DEFB131A: variants seen among roughly 807,000 people sequenced by gnomAD.
DEFB131A encodes defensin beta 131A.
Under a neutral mutation model 2.4 loss-of-function variants are expected in DEFB131A, and 5 were observed. That is an observed-to-expected ratio of 2.12 (90% confidence interval 1.11 to 4.47). DEFB131A has a LOEUF of 4.47. DEFB131A is among the 30% of genes most tolerant of loss of function. The probability of loss-of-function intolerance (pLI) is 0.00; values close to 1 mark genes in which losing one functional copy is unlikely to be tolerated. For synonymous variants in DEFB131A, 34 were observed against 25.7 expected (o/e 1.32, Z -0.97); for missense variants, 120 against 79.9 (o/e 1.50, Z -1.91).
At chr4:9,446,325 G>A (rs1458242717) in intron 1 of DEFB131A, among the ~76,000 whole-genome samples, 3 of 151,720 alleles carry the variant, frequency 2.0e-5, no homozygotes, top group Non-Finnish European at 2.9e-5. Context: ...ATTTGGGAAA[G>A]TTAGATTGAT....
In DEFB131A at chr4:9,444,457, TC is replaced by T; in HGVS notation, c.-76del. 1 of 1,542,316 alleles carries T rather than the reference TC, an allele frequency of 6.5e-7. No individual in the cohort carries two copies. The highest frequency in any genetic ancestry group is 8.9e-7 in the Non-Finnish European group (1 of 1,128,824). ...AATAATCACTCAACAACTCACCTCTTCAGAGAACTGAATGTACACAGAAGTC... is the reference window on the plus strand; with the variant it reads ...AATAATCACTCAACAACTCACCTCTTAGAGAACTGAATGTACACAGAAGTC... On this transcript the variant is annotated 5_prime_UTR_variant, in exon 1 of 2. Transcript: ENST00000334879.
chr4:9,449,937 T>G (rs1336686387), intron 1 of DEFB131A, among the ~76,000 whole-genome samples: 8 of 152,156 alleles, frequency 5.3e-5, no homozygotes, highest in African/African-American at 1.2e-4. Context: ...TTTATATTTA[T>G]CCATAATCTA....
chr4:9,447,848 A>T (rs1717541729), intron 1 of DEFB131A, among the ~76,000 whole-genome samples: 1 of 152,198 alleles, frequency 6.6e-6, no homozygotes, highest in African/African-American at 2.4e-5. Flanking sequence ...GACTGATGTG[A>T]TCAAGGAAAG....
chr4:9,448,198 A>G (rs1376507933), intron 1 of DEFB131A, among the ~76,000 whole-genome samples: 1 of 151,888 alleles, frequency 6.6e-6, no homozygotes, highest in African/African-American at 2.4e-5. Context: ...AAAAGAAGCC[A>G]GGAGGGAAAA....
At chr4:9,450,327 T>A in intron 1 of DEFB131A, 33 bp from the exon 2 acceptor site, 1 of 1,500,848 alleles carries the variant, frequency 6.7e-7, no homozygotes, top group Non-Finnish European at 8.9e-7. Flanking sequence ...GTAAGTAATA[T>A]TGTGTCATAT....
intron 1 of DEFB131A, among the ~76,000 whole-genome samples, chr4:9,447,733 A>C (rs1475546819): frequency 6.6e-6 from 1 of 151,174 alleles, no homozygotes; most frequent in African/African-American, 2.4e-5. Flanking sequence ...AAAAAAAAAA[A>C]CTTATCTTCA....
chr4:9,445,565 AT>A (rs779770379), intron 1 of DEFB131A, among the ~76,000 whole-genome samples: 3 of 151,276 alleles, frequency 2.0e-5, no homozygotes, highest in Non-Finnish European at 4.4e-5. Flanking sequence ...TCTGAAGCAC[AT>A]TTTAATACTT....
Position 9,450,492 on chromosome 4 carries a change from T to G in DEFB131A, c.191T>G (p.Ile64Ser). ...TGCTGCAAACTGAAGATCATTGAAATTGACGGACAAAAGAAGTGGTGAAAA... is the reference window on the plus strand; with the variant it reads ...TGCTGCAAACTGAAGATCATTGAAAGTGACGGACAAAAGAAGTGGTGAAAA... ...SICCKLKIIE[I>S]DGQKKW The change falls in exon 2 of 2, where the codon ATT becomes AGT. Residue 64 changes from isoleucine (I) to serine (S), a missense_variant. By Grantham distance (142) the Ile-to-Ser change is moderately radical (BLOSUM62 -2). Transcript: ENST00000334879. 1 of 1,610,138 alleles carries G rather than the reference T, an allele frequency of 6.2e-7. No individual in the cohort carries two copies. The highest frequency in any genetic ancestry group is 8.5e-7 in the Non-Finnish European group (1 of 1,179,066).
chr4:9,447,111 G>T (rs1717523959), intron 1 of DEFB131A, among the ~76,000 whole-genome samples: 1 of 152,134 alleles, frequency 6.6e-6, no homozygotes, highest in Non-Finnish European at 1.5e-5. Context: ...TATTTGGTCT[G>T]CGGTACAGAT....
chr4:9,445,937 G>A (rs1226666158), intron 1 of DEFB131A, among the ~76,000 whole-genome samples: 2 of 152,064 alleles, frequency 1.3e-5, no homozygotes, highest in Non-Finnish European at 2.9e-5. Flanking sequence ...CTTCATGTCT[G>A]CCTTCTTTTA....
At chr4:9,448,412 T>C (rs1230741543) in intron 1 of DEFB131A, among the ~76,000 whole-genome samples, 2 of 152,090 alleles carry the variant, frequency 1.3e-5, no homozygotes, top group Non-Finnish European at 2.9e-5. Context: ...GCAGTGGCAG[T>C]GACCTTGGCT....
intron 1 of DEFB131A, among the ~76,000 whole-genome samples, chr4:9,449,684 G>T (rs1490024923): frequency 5.3e-5 from 8 of 151,972 alleles, no homozygotes; most frequent in Non-Finnish European, 8.8e-5. Context: ...GGGAAGGACT[G>T]GTAGGTTTAA....
intron 1 of DEFB131A, among the ~76,000 whole-genome samples, chr4:9,448,906 T>C (rs114233297): frequency 6.6e-6 from 1 of 152,106 alleles, no homozygotes; most frequent in African/African-American, 2.4e-5. Context: ...AGTAAAATCA[T>C]CTATTTCCAA....
Position 9,450,577 on chromosome 4 carries a change from A to G in DEFB131A, c.*63A>G. The G allele has an allele frequency of 1.9e-6, 3 of 1,547,814 alleles. No individual in the cohort carries two copies. Among genetic ancestry groups the G allele is most frequent in the Non-Finnish European group, 2.6e-6 (3 of 1,143,632 alleles). On this transcript the variant is annotated 3_prime_UTR_variant, in exon 2 of 2. Transcript: ENST00000334879. Reference sequence around the variant, plus strand: ...AAACATGTCTTAAACTCTCTTATCTATGAATAATTAACATGATAGATGAAA... The same window carrying G: ...AAACATGTCTTAAACTCTCTTATCTGTGAATAATTAACATGATAGATGAAA...
chr4:9,450,508 G>T lies in DEFB131A; in HGVS notation c.207G>T (p.Lys69Asn). The T allele has an allele frequency of 6.2e-7, 1 of 1,609,044 alleles. No homozygotes were observed. Among genetic ancestry groups the T allele is most frequent in the Non-Finnish European group, 8.5e-7 (1 of 1,178,472 alleles). ...LKIIEIDGQK[K>N]W ...TCATTGAAATTGACGGACAAAAGAA[G>T]TGGTGAAAATTCTAACTCCATCTTC... Residue 69 changes from lysine to asparagine, a missense_variant, in exon 2 of 2, where the codon AAG becomes AAT. By Grantham distance (94) the Lys-to-Asn change is moderately conservative. Coordinates refer to ENST00000334879, the MANE Select transcript of DEFB131A (RefSeq NM_001040448.3).
At chr4:9,450,055 C>A (rs970444430) in intron 1 of DEFB131A, among the ~76,000 whole-genome samples, 3 of 152,150 alleles carry the variant, frequency 2.0e-5, no homozygotes, top group Non-Finnish European at 2.9e-5. Context: ...TTATTTCCTG[C>A]ATTATGAATC....
At chr4:9,445,049 C>T (rs903641169) in intron 1 of DEFB131A, among the ~76,000 whole-genome samples, 3 of 152,050 alleles carry the variant, frequency 2.0e-5, no homozygotes, top group African/African-American at 7.2e-5. Context: ...CACTGCACAC[C>T]AGCCTGGGCA....
At chr4:9,447,038 TGAG>T (rs1188515384) in intron 1 of DEFB131A, among the ~76,000 whole-genome samples, 1 of 152,166 alleles carries the variant, frequency 6.6e-6, no homozygotes, top group African/African-American at 2.4e-5. Context: ...TTCTATGTGA[TGAG>T]GAGAAGAATG....
chr4:9,445,587 G>T (rs1290416054), intron 1 of DEFB131A, among the ~76,000 whole-genome samples: 3 of 151,202 alleles, frequency 2.0e-5, no homozygotes, highest in Admixed American at 6.6e-5. Context: ...AACAATTCAA[G>T]ATTCCCTCAT....
Sources: gnomAD v4.1 joint callset for allele counts (sites outside exome capture counted in the v4.1 genomes callset) on GRCh38, gnomAD v4.1.1 for gene constraint, MANE v1.5 for transcripts, NCBI Gene and HGNC (gene_info 2026-07-23, HGNC 2026-07-21) for gene names.